Variants in ZNF649 observed in about 807,000 individuals in gnomAD.
The protein encoded by ZNF649 is zinc finger protein 649.
In ZNF649, 7 loss-of-function variants were observed where a neutral mutation model predicts 14.1. The ratio of observed to expected loss-of-function variants is 0.49; its 90% CI spans 0.28 to 0.93. The LOEUF (loss-of-function observed/expected upper bound fraction) is 0.93. Ranked by LOEUF, ZNF649 falls within the 40% of genes least tolerant of loss-of-function variation. ZNF649 has a pLI of 0.10. For synonymous variants in ZNF649, 227 were observed against 212.3 expected (o/e 1.07, Z -0.60); for missense variants, 544 against 608.1 (o/e 0.89, Z 1.11).
chr19:51,897,129 A>C, intron 2 of ZNF649, 151 bp from the exon 3 acceptor site: 1 of 1,080,276 alleles, frequency 9.3e-7, no homozygotes, highest in Admixed American at 2.3e-5. Flanking sequence ...CCCCACATAT[A>C]CCGAAATTGT....
At chr19:51,896,794 A>G (rs1277039368) in intron 3 of ZNF649, 58 bp downstream of exon 3, 1 of 1,614,026 alleles carries the variant, frequency 6.2e-7, no homozygotes, top group Non-Finnish European at 8.5e-7. Flanking sequence ...CCAGAAGCTG[A>G]GAAAGCAAAG....
At position 51,889,689 on chromosome 19, in the gene ZNF649, C is replaced by G. The variant is rs546188835; in HGVS notation, c.*929G>C. ...TTTGGAGAGGACATAAATATGCAATCCCTCACAATGATGTATGCTATAAAA... is the reference window on the plus strand; with the variant it reads ...TTTGGAGAGGACATAAATATGCAATGCCTCACAATGATGTATGCTATAAAA... On this transcript the variant is annotated 3_prime_UTR_variant, in exon 5 of 5. Transcript: ENST00000354957. 2 of 152,276 alleles carry G rather than the reference C, an allele frequency of 1.3e-5. No individual in the cohort carries two copies. Among genetic ancestry groups the G allele is most frequent in the South Asian group, 4.2e-4 (2 of 4,818 alleles). 9.4% of individuals were successfully genotyped at this position (152,276 alleles called of 1,614,324 possible). A position where few individuals can be genotyped will look rare whatever the true frequency, so the allele number is the denominator to read the frequency against.
At position 51,896,914 on chromosome 19, in the gene ZNF649, G is replaced by T. The variant is rs554936976; in HGVS notation, c.80C>A (p.Pro27His). 2.5e-6 allele frequency: 4 copies of T among 1,614,048 alleles called. No individual in the cohort carries two copies. In the African/African-American group the frequency reaches 5.3e-5, roughly 22 times the overall value. The part of the protein sequence containing the change: ...FTWEEWQFLS[P>H]AQKDLYRDVM... ...ATCCCGGTACAGGTCCTTCTGAGCA[G>T]GGCTCAGGAACTGCCACTCCTCCCA... The change falls in exon 3 of 5, where the codon CCT (proline) becomes CAT (histidine). Residue 27 changes from proline to histidine, a missense_variant. By Grantham distance (77) the Pro-to-His change is moderately conservative. Transcript: ENST00000354957.
intron 4 of ZNF649, among the ~76,000 whole-genome samples, chr19:51,894,775 T>C (rs2085048506): frequency 6.6e-6 from 1 of 152,196 alleles, no homozygotes; most frequent in Non-Finnish European, 1.5e-5. Context: ...TGTTTCTCAC[T>C]AAATTCAGTC....
Position 51,896,494 on chromosome 19 carries a change from T to A in ZNF649, c.216A>T (p.Glu72Asp). ...QGEPLWTLED[E>D]IHSPAHPEIE... ...TACCTGGGTGGGCTGGACTGTGGAT[T>A]TCATCTTCTAGTGTCCATAGTGGTT... The change falls in exon 4 of 5, where the codon GAA becomes GAT. Residue 72 changes from glutamate to aspartate, a missense_variant. By Grantham distance (45) the Glu-to-Asp change is conservative. Transcript: ENST00000354957. The A allele has an allele frequency of 6.2e-7, 1 of 1,614,134 alleles. No homozygotes were observed. Among genetic ancestry groups the A allele is most frequent in the South Asian group, 1.1e-5 (1 of 91,082 alleles).
At position 51,891,347 on chromosome 19, in the gene ZNF649, C is replaced by A; in HGVS notation, c.789G>T (p.Gly263=). ...GGAAGGCTTTCCCACATTCACTGCACCCGTATGGTTTCTCTCCTTTGTGAG... is the reference window on the plus strand; with the variant it reads ...GGAAGGCTTTCCCACATTCACTGCAACCGTATGGTTTCTCTCCTTTGTGAG... ...ERAHKGEKPY[G]CSECGKAFPR... is the part of the protein sequence containing the mutation. The change falls in exon 5 of 5, where the codon GGG becomes GGT. Residue 263 remains glycine (G), a synonymous_variant. Coordinates refer to ENST00000354957, the MANE Select transcript of ZNF649 (RefSeq NM_023074.4). The surrounding 1 kb of genome is among the most constrained non-coding windows in gnomAD (Gnocchi z 4.2). 6.2e-7 allele frequency: 1 copy of A among 1,614,190 alleles called. No homozygotes were observed. Among genetic ancestry groups the A allele is most frequent in the Non-Finnish European group, 8.5e-7 (1 of 1,180,022 alleles).
intron 2 of ZNF649, among the ~76,000 whole-genome samples, chr19:51,898,351 T>C (rs1391560471): frequency 3.3e-5 from 5 of 152,044 alleles, no homozygotes; most frequent in Non-Finnish European, 7.4e-5. Flanking sequence ...CAACTGGAGG[T>C]TGCCACAACC....
chr19:51,903,797 C>A (rs1407613578), intron 1 of ZNF649, among the ~76,000 whole-genome samples: 2 of 152,170 alleles, frequency 1.3e-5, no homozygotes, highest in Non-Finnish European at 2.9e-5. Context: ...CCAGACTGGA[C>A]AACAGAGCTA....
At chr19:51,900,842 A>T (rs1461425021) in intron 1 of ZNF649, among the ~76,000 whole-genome samples, 6 of 152,198 alleles carry the variant, frequency 3.9e-5, no homozygotes, top group Admixed American at 3.9e-4. Context: ...AAGGGGAGAC[A>T]GGTGAATGAA....
intron 4 of ZNF649, among the ~76,000 whole-genome samples, chr19:51,895,627 C>T (rs1445558181): frequency 6.6e-6 from 1 of 152,072 alleles, no homozygotes; most frequent in Non-Finnish European, 1.5e-5. Flanking sequence ...CAGGTGTGAG[C>T]CACCATGCCC....
Position 51,891,215 on chromosome 19 carries a change from TACA to T in ZNF649, c.918_920del (p.Val307del), listed in dbSNP as rs781194291. The T allele has an allele frequency of 2.5e-6, 4 of 1,614,260 alleles. No homozygotes were observed. The highest frequency in any genetic ancestry group is 1.7e-5 in the Admixed American group (1 of 60,024). ...TCTCTCCTGTATGAGTTCGCTGATG[TACA>T]ACGAGTAGTGATTTTCTGGAGAAAG... On this transcript the variant is annotated inframe_deletion, in exon 5 of 5. Transcript: ENST00000354957. The surrounding 1 kb of genome is among the most constrained non-coding windows in gnomAD (Gnocchi z 4.2).
intron 1 of ZNF649, among the ~76,000 whole-genome samples, chr19:51,900,981 A>G (rs1054009091): frequency 7.2e-5 from 11 of 152,234 alleles, no homozygotes; most frequent in Non-Finnish European, 1.0e-4. Context: ...ATACACAGCA[A>G]AACCAGCAAA....
chr19:51,897,695 C>T (rs2085071560), intron 2 of ZNF649, among the ~76,000 whole-genome samples: 1 of 152,146 alleles, frequency 6.6e-6, no homozygotes, highest in Non-Finnish European at 1.5e-5. Context: ...GATGTCCTCA[C>T]AGGTAAATCC....
At chr19:51,897,109 T>G in intron 2 of ZNF649, 131 bp from the exon 3 acceptor site, 54 of 1,320,722 alleles carry the variant, frequency 4.1e-5, no homozygotes, top group Non-Finnish European at 4.4e-5. Flanking sequence ...AATGGAATGG[T>G]TTCAGGATGC....
Position 51,891,835 on chromosome 19 carries a change from T to C in ZNF649, c.301A>G (p.Thr101Ala). ...PLQNQKILKRTGQRYEHGRTL... is the reference protein window; with the variant it reads ...PLQNQKILKRAGQRYEHGRTL... ...CTTCCGTGTTCATAGCGTTGTCCCGTCCTCTTCAGTATTTTTTGGTTTTGC... is the reference window on the plus strand; with the variant it reads ...CTTCCGTGTTCATAGCGTTGTCCCGCCCTCTTCAGTATTTTTTGGTTTTGC... Residue 101 changes from threonine to alanine, a missense_variant, in exon 5 of 5, where the codon ACG becomes GCG. Physicochemically the swap from Thr to Ala is moderately conservative, Grantham distance 58. Transcript: ENST00000354957. This position sits in a 1 kb window ranked among gnomAD's most constrained non-coding sequence, Gnocchi z 4.2. The C allele has an allele frequency of 6.3e-7, 1 of 1,591,096 alleles. No homozygotes were observed.
chr19:51,892,357 A>G (rs1304027353), intron 4 of ZNF649, among the ~76,000 whole-genome samples: 1 of 148,094 alleles, frequency 6.8e-6, no homozygotes, highest in African/African-American at 2.5e-5. Context: ...GTCTGCCAAC[A>G]GAGCAAGACT....
Position 51,891,703 on chromosome 19 carries a change from G to C in ZNF649, c.433C>G (p.Gln145Glu). Residue 145 changes from glutamine (Q) to glutamate (E), a missense_variant, in exon 5 of 5, where the codon CAA becomes GAA. Gln to Glu is a conservative substitution (Grantham distance 29, BLOSUM62 2). Transcript: ENST00000354957. This position sits in a 1 kb window ranked among gnomAD's most constrained non-coding sequence, Gnocchi z 4.2. ...GGGAATTCAATTTCCGTAGGCATTT[G>C]TTCATGATTATCATGGAGAAAAGCT... is the stretch of plus-strand genomic sequence containing the variant. ...DGAFLHDNHE[Q>E]MPTEIEFPES... The C allele has an allele frequency of 1.9e-6, 3 of 1,613,640 alleles. No individual in the cohort carries two copies. The highest frequency in any genetic ancestry group is 2.5e-6 in the Non-Finnish European group (3 of 1,179,910).
chr19:51,902,021 G>C (rs1376640553), intron 1 of ZNF649, among the ~76,000 whole-genome samples: 1 of 149,604 alleles, frequency 6.7e-6, no homozygotes, highest in Non-Finnish European at 1.5e-5. Context: ...TTCACACACA[G>C]ATCGGCCCTT....
At chr19:51,902,930 C>T (rs73934697) in intron 1 of ZNF649, among the ~76,000 whole-genome samples, 3 of 151,922 alleles carry the variant, frequency 2.0e-5, no homozygotes, top group South Asian at 4.2e-4. Context: ...CCTACTAGAG[C>T]GATGTGAAAA....
Sources: allele counts gnomAD v4.1 joint callset (sites outside exome capture counted in the v4.1 genomes callset), GRCh38; gene constraint gnomAD v4.1.1; non-coding constraint Gnocchi (gnomAD v3.1); transcripts MANE v1.5; gene names NCBI Gene and HGNC (gene_info 2026-07-23, HGNC 2026-07-21).